EXOC4: variants seen among roughly 807,000 people sequenced by gnomAD.
EXOC4 encodes exocyst complex component 4.
Under a neutral mutation model 107.2 loss-of-function variants are expected in EXOC4, and 71 were observed. The observed-to-expected ratio is 0.66, with a 90% confidence interval of 0.55 to 0.81. EXOC4 has a LOEUF of 0.81. EXOC4 is among the 30% of genes least tolerant of loss of function. The pLI, the probability that EXOC4 is intolerant of heterozygous loss-of-function variation, is 0.00. For missense variants in EXOC4, 1,108 were observed against 1,189.6 expected, an observed-to-expected ratio of 0.93 and a Z score of 1.01; for synonymous variants, 456 against 441.2, an observed-to-expected ratio of 1.03 and a Z score of -0.42.
intron 9 of EXOC4, among the ~76,000 whole-genome samples, chr7:133,549,220 GC>G (rs922436467): frequency 6.6e-6 from 1 of 152,096 alleles, no homozygotes; most frequent in African/African-American, 2.4e-5. Context: ...TTGAACCCCT[GC>G]CCTCAAGTGA....
At chr7:133,669,945 G>A (rs945657960) in intron 10 of EXOC4, among the ~76,000 whole-genome samples, 4 of 152,140 alleles carry the variant, frequency 2.6e-5, no homozygotes, top group East Asian at 1.9e-4. Flanking sequence ...GTGATTTGGC[G>A]GGGGATGGGG....
chr7:133,713,693 G>C (rs186749490), intron 10 of EXOC4, among the ~76,000 whole-genome samples: 21 of 152,128 alleles, frequency 1.4e-4, no homozygotes, highest in Admixed American at 3.3e-4. Context: ...TGCTGTTCTC[G>C]TGATAGTGAA....
chr7:133,375,406 G>A (rs574546291), intron 7 of EXOC4, among the ~76,000 whole-genome samples: 3 of 152,228 alleles, frequency 2.0e-5, no homozygotes, highest in African/African-American at 7.2e-5. Context: ...AACTCGGGAG[G>A]CAGAGTTTGC....
At chr7:133,764,915 ATTAG>A (rs1189022449) in intron 10 of EXOC4, among the ~76,000 whole-genome samples, 3 of 152,146 alleles carry the variant, frequency 2.0e-5, no homozygotes, top group Non-Finnish European at 4.4e-5. Flanking sequence ...TGTGCCACTT[ATTAG>A]TTAGGTGATC....
intron 10 of EXOC4, among the ~76,000 whole-genome samples, chr7:133,775,084 A>G (rs1425472299): frequency 1.3e-5 from 2 of 152,174 alleles, no homozygotes; most frequent in Non-Finnish European, 2.9e-5. Flanking sequence ...TAATTATGGC[A>G]GTTTTTCAAA....
intron 9 of EXOC4, among the ~76,000 whole-genome samples, chr7:133,545,927 C>T (rs1004468767): frequency 1.3e-5 from 2 of 152,088 alleles, no homozygotes; most frequent in African/African-American, 4.8e-5. Context: ...TTTCCAGTGC[C>T]TTGACATTCG....
At chr7:133,404,635 G>T (rs1039181778) in intron 7 of EXOC4, among the ~76,000 whole-genome samples, 2 of 151,906 alleles carry the variant, frequency 1.3e-5, no homozygotes, top group Non-Finnish European at 2.9e-5. Flanking sequence ...GCCTTTTCTT[G>T]GCTCAACTGG....
rs959606057 is a variant in EXOC4, at chr7:133,856,998, G to A, written c.1735-38601G>A. ...TGTAGTCCCAGCTACTTGGGAGTCT[G>A]AGGCAGGAGAATCGCTCGAACCCGG... On this transcript the variant is annotated intron_variant, in intron 11 of 17. Coordinates refer to ENST00000253861, the MANE Select transcript of EXOC4 (RefSeq NM_021807.4). 4.0e-5 allele frequency among the ~76,000 whole-genome samples: 6 copies of A among 148,908 alleles called. No homozygotes were observed. In the Admixed American group the frequency reaches 4.1e-4, roughly 10 times the overall value.
At chr7:133,889,077 CT>C (rs1442294646) in intron 11 of EXOC4, among the ~76,000 whole-genome samples, 1 of 152,084 alleles carries the variant, frequency 6.6e-6, no homozygotes, top group East Asian at 1.9e-4. Flanking sequence ...AGTTGTTATT[CT>C]GAATAGATTG....
At chr7:133,596,934 A>C (rs1474394750) in intron 9 of EXOC4, among the ~76,000 whole-genome samples, 1 of 152,196 alleles carries the variant, frequency 6.6e-6, no homozygotes, top group East Asian at 1.9e-4. Context: ...GCATCCAGCT[A>C]TCCAGAAGAA....
At chr7:133,816,318 T>G (rs1460694061) in intron 10 of EXOC4, among the ~76,000 whole-genome samples, 1 of 152,182 alleles carries the variant, frequency 6.6e-6, no homozygotes, top group African/African-American at 2.4e-5. Flanking sequence ...TATAGAAAAT[T>G]AAAAAGAATT....
At chr7:133,318,369 T>A (rs751635629) in intron 5 of EXOC4, among the ~76,000 whole-genome samples, 5 of 152,196 alleles carry the variant, frequency 3.3e-5, no homozygotes, top group Non-Finnish European at 7.4e-5. Context: ...AGGGTTCAGC[T>A]CAACTGGGCT....
intron 9 of EXOC4, among the ~76,000 whole-genome samples, chr7:133,557,167 T>G (rs1350860358): frequency 6.6e-6 from 1 of 152,112 alleles, no homozygotes; most frequent in Non-Finnish European, 1.5e-5. Context: ...CTATTAGAGC[T>G]TTTGTTCCAC....
intron 10 of EXOC4, among the ~76,000 whole-genome samples, chr7:133,682,218 A>T (rs1794202610): frequency 6.6e-6 from 1 of 152,116 alleles, no homozygotes; most frequent in African/African-American, 2.4e-5. Context: ...TTTATTACCT[A>T]AATAGATTTA....
chr7:133,817,474 C>G lies in EXOC4; in HGVS notation c.1664C>G (p.Ser555Cys), dbSNP rs1383914636. 1 of 1,614,176 alleles carries G rather than the reference C, an allele frequency of 6.2e-7. No individual in the cohort carries two copies. Among genetic ancestry groups the G allele is most frequent in the Admixed American group, 1.7e-5 (1 of 60,034 alleles). Residue 555 changes from serine (S) to cysteine (C), a missense_variant, in exon 11 of 18, where the codon TCT becomes TGT. Coordinates refer to ENST00000253861, the MANE Select transcript of EXOC4 (RefSeq NM_021807.4). The stretch of plus-strand genomic sequence containing the variant: ...GAGATTGAAGGAGTCACTAAAACAT[C>G]TGACCCTTTGAAGATTCTGGCCAAC... ...NKEIEGVTKT[S>C]DPLKILANAD...
intron 14 of EXOC4, among the ~76,000 whole-genome samples, chr7:133,962,603 A>G (rs1800972805): frequency 6.6e-6 from 1 of 152,114 alleles, no homozygotes; most frequent in Admixed American, 6.5e-5. Context: ...ATTTTCTGTC[A>G]CTCTTTATAT....
intron 5 of EXOC4, among the ~76,000 whole-genome samples, chr7:133,353,171 CTTG>C (rs1563031624): frequency 6.6e-6 from 1 of 151,986 alleles, no homozygotes; most frequent in Non-Finnish European, 1.5e-5. Flanking sequence ...AAATAATTGT[CTTG>C]TTGTAACACT....
At chr7:133,428,397 A>G (rs948956696) in intron 7 of EXOC4, among the ~76,000 whole-genome samples, 1 of 152,198 alleles carries the variant, frequency 6.6e-6, no homozygotes. Context: ...TCTAAATGCC[A>G]TTTGTTATTC....
intron 9 of EXOC4, chr7:133,484,047 G>A (rs1453740710): frequency 6.2e-7 from 1 of 1,613,976 alleles, no homozygotes; most frequent in African/African-American, 1.3e-5. Context: ...CAGGGTAGCG[G>A]CGAAGAAATC....
Sources: allele counts gnomAD v4.1 joint callset (sites outside exome capture counted in the v4.1 genomes callset), GRCh38; gene constraint gnomAD v4.1.1; transcripts MANE v1.5; gene names NCBI Gene and HGNC (gene_info 2026-07-23, HGNC 2026-07-21).